The following ZNF430 variants were observed in gnomAD, a reference collection of about 807,000 sequenced individuals.
The protein encoded by ZNF430 is zinc finger protein 430.
In ZNF430, 35 loss-of-function variants were observed where a neutral mutation model predicts 56.7. The ratio of observed to expected loss-of-function variants is 0.62; its 90% confidence interval spans 0.47 to 0.82. ZNF430 has a LOEUF of 0.82. Among genes scored for constraint, ZNF430 ranks in the 40% least tolerant of loss-of-function variants. The probability of loss-of-function intolerance (pLI) is 0.00; values close to 1 mark genes in which losing one functional copy is unlikely to be tolerated. For missense variants in ZNF430, 574 were observed against 661.0 expected, an observed-to-expected ratio of 0.87 and a Z score of 1.44; for synonymous variants, 212 against 224.3, an observed-to-expected ratio of 0.94 and a Z score of 0.49.
At chr19:21,032,453 T>C (rs1437749217) in intron 2 of ZNF430, among the ~76,000 whole-genome samples, 1 of 152,096 alleles carries the variant, frequency 6.6e-6, no homozygotes, top group Non-Finnish European at 1.5e-5. Flanking sequence ...GTTGGCTGGG[T>C]GTGGTGGCTC....
chr19:21,036,919 A>G (rs1027658676), intron 4 of ZNF430: 1 of 151,960 alleles, frequency 6.6e-6, no homozygotes, highest in Non-Finnish European at 1.5e-5. Context: ...CTCAATACCC[A>G]TTAAATAACA....
intron 3 of ZNF430, 48 bp downstream of exon 3, chr19:21,033,630 A>G (rs1352867377): frequency 6.7e-6 from 10 of 1,495,492 alleles, no homozygotes; most frequent in Non-Finnish European, 8.9e-6. Flanking sequence ...TAAAGGTTTC[A>G]TTTCTCATTT....
chr19:21,028,685 AG>A (rs1967847039), intron 2 of ZNF430, among the ~76,000 whole-genome samples: 1 of 151,844 alleles, frequency 6.6e-6, no homozygotes, highest in Non-Finnish European at 1.5e-5. Flanking sequence ...TGGTTTTTTT[AG>A]GGTTTTTTTT....
intron 4 of ZNF430, among the ~76,000 whole-genome samples, chr19:21,053,928 A>G (rs1246708219): frequency 1.3e-5 from 2 of 151,686 alleles, no homozygotes; most frequent in Non-Finnish European, 2.9e-5. Context: ...TATCTATACA[A>G]ATATATTATT....
Position 21,048,633 on chromosome 19 carries a change from T to C in ZNF430, c.323-7998T>C, listed in dbSNP as rs868196410. On this transcript the variant is annotated intron_variant, in intron 4 of 4. Coordinates refer to ENST00000261560, the MANE Select transcript of ZNF430 (RefSeq NM_025189.4). ...TGATTTCTCTATCTTTTCCCCACAT[T>C]CCCCCCTTTTCTATTCGACAAAACC... 3.7e-4 allele frequency among the ~76,000 whole-genome samples: 56 copies of C among 152,084 alleles called. 1 individual carries two copies. The highest frequency in any genetic ancestry group is 1.2e-3 in the African/African-American group (49 of 41,478).
chr19:21,046,309 C>T (rs1244707101), intron 4 of ZNF430, among the ~76,000 whole-genome samples: 1 of 131,674 alleles, frequency 7.6e-6, no homozygotes, highest in Non-Finnish European at 1.6e-5. Flanking sequence ...CAGAACAAGA[C>T]TCCATCTCAA....
At chr19:21,047,210 G>A (rs1327807350) in intron 4 of ZNF430, among the ~76,000 whole-genome samples, 1 of 152,104 alleles carries the variant, frequency 6.6e-6, no homozygotes, top group African/African-American at 2.4e-5. Flanking sequence ...TCTCTAAATT[G>A]GTTGTTTTGG....
intron 4 of ZNF430, among the ~76,000 whole-genome samples, chr19:21,052,079 C>G (rs1968294246): frequency 6.6e-6 from 1 of 152,050 alleles, no homozygotes. Flanking sequence ...TGAACAGGAG[C>G]ATGCTGGAGA....
Position 21,058,083 on chromosome 19 carries a change from G to A in ZNF430, c.*62G>A, listed in dbSNP as rs756915853. On this transcript the variant is annotated 3_prime_UTR_variant, in exon 5 of 5. Coordinates refer to ENST00000261560, the MANE Select transcript of ZNF430 (RefSeq NM_025189.4). The stretch of plus-strand genomic sequence containing the variant: ...TACTAAACATAAGAACATTCATACT[G>A]AAGAGGAACCCTATGAGTGTGAAGA... 5.6e-5 allele frequency: 80 copies of A among 1,441,126 alleles called. No homozygotes were observed. The highest frequency in any genetic ancestry group is 7.6e-5 in the Non-Finnish European group (80 of 1,056,544). 89.3% of individuals were successfully genotyped at this position (1,441,126 alleles called of 1,614,324 possible). A position where few individuals can be genotyped will look rare whatever the true frequency, so the allele number is the denominator to read the frequency against.
intron 4 of ZNF430, among the ~76,000 whole-genome samples, chr19:21,045,345 C>A (rs57555291): frequency 0.059 from 8,976 of 152,188 alleles, 648 homozygotes; most frequent in African/African-American, 0.18. Flanking sequence ...AGAAGTCATT[C>A]AGGAGCAGGT....
chr19:21,055,443 T>G (rs1568593348), intron 4 of ZNF430, among the ~76,000 whole-genome samples: 1 of 129,964 alleles, frequency 7.7e-6, no homozygotes, highest in East Asian at 1.9e-4. Context: ...AGTTTTTTTT[T>G]TTGTTTGTTT....
At chr19:21,024,015 C>T (rs1398255463) in intron 2 of ZNF430, among the ~76,000 whole-genome samples, 1 of 152,164 alleles carries the variant, frequency 6.6e-6, no homozygotes, top group Non-Finnish European at 1.5e-5. Flanking sequence ...ATTTTTCAAA[C>T]ACATAGTTTC....
At chr19:21,051,586 C>T (rs1248086745) in intron 4 of ZNF430, among the ~76,000 whole-genome samples, 5 of 152,228 alleles carry the variant, frequency 3.3e-5, no homozygotes, top group Admixed American at 6.5e-5. Flanking sequence ...CTCCACCTCC[C>T]GGGTTCAAGT....
intron 4 of ZNF430, among the ~76,000 whole-genome samples, chr19:21,054,212 T>C (rs1020235165): frequency 6.6e-6 from 1 of 152,210 alleles, no homozygotes; most frequent in African/African-American, 2.4e-5. Flanking sequence ...AATTTTTGTG[T>C]TTGTGCATAT....
intron 2 of ZNF430, among the ~76,000 whole-genome samples, chr19:21,031,173 C>T (rs1040874410): frequency 2.0e-5 from 3 of 152,160 alleles, no homozygotes; most frequent in Admixed American, 6.6e-5. Context: ...TGTGAGCCAC[C>T]GCGCCCGGCC....
At chr19:21,023,007 G>T (rs1665055883) in intron 2 of ZNF430, 126 bp downstream of exon 2, 3 of 649,042 alleles carry the variant, frequency 4.6e-6, no homozygotes, top group Admixed American at 5.5e-5. Flanking sequence ...CCTCTGGATT[G>T]TCTAAGGGGG....
rs572965681 is a variant in ZNF430, at chr19:21,020,907, A to G, written c.3+104A>G. 1,209 of 1,512,460 alleles carry G rather than the reference A, an allele frequency of 8.0e-4. 3 individuals are homozygous for G. The highest frequency in any genetic ancestry group is 1.1e-3 in the Non-Finnish European group (1,157 of 1,092,028). The allele number at this position is 1,512,460 out of a possible 1,614,324, so 93.7% of individuals were successfully genotyped here. A position where few individuals can be genotyped will look rare whatever the true frequency, so the allele number is the denominator to read the frequency against. ...AGGCCTCCCGGCAGTCAGCTGCACAATCTGCGCCCCGAGTTCTTGCCCAGC... is the reference window on the plus strand; with the variant it reads ...AGGCCTCCCGGCAGTCAGCTGCACAGTCTGCGCCCCGAGTTCTTGCCCAGC... On this transcript the variant is annotated intron_variant, in intron 1 of 4. Coordinates refer to ENST00000261560, the MANE Select transcript of ZNF430 (RefSeq NM_025189.4).
At chr19:21,053,727 CAT>C (rs1968322776) in intron 4 of ZNF430, among the ~76,000 whole-genome samples, 1 of 152,114 alleles carries the variant, frequency 6.6e-6, no homozygotes, top group African/African-American at 2.4e-5. Context: ...TTATTGAACT[CAT>C]GTCACTTGAG....
chr19:21,048,056 G>T (rs927010773), intron 4 of ZNF430, among the ~76,000 whole-genome samples: 1 of 147,660 alleles, frequency 6.8e-6, no homozygotes, highest in South Asian at 2.1e-4. Flanking sequence ...TAACTTTATC[G>T]TTACATGCTT....
Sources: allele counts gnomAD v4.1 joint callset (sites outside exome capture counted in the v4.1 genomes callset), GRCh38; gene constraint gnomAD v4.1.1; transcripts MANE v1.5; gene names NCBI Gene and HGNC (gene_info 2026-07-23, HGNC 2026-07-21).